The following CACNB4 variants were observed in gnomAD, a reference collection of about 807,000 sequenced individuals.
CACNB4 encodes calcium voltage-gated channel auxiliary subunit beta 4, also known as voltage-dependent L-type calcium channel subunit beta-4.
CACNB4 carries 32 observed loss-of-function variants against 71.2 expected under a neutral mutation model. That is an observed-to-expected ratio of 0.45 (90% CI 0.34 to 0.60). The LOEUF (loss-of-function observed/expected upper bound fraction) is 0.60, where lower values mean the gene tolerates loss of function less well. CACNB4 is among the 20% of genes least tolerant of loss of function. CACNB4 has a pLI of 0.01. For synonymous variants in CACNB4, 231 were observed against 236.9 expected, an observed-to-expected ratio of 0.97 and a Z score of 0.23; for missense variants, 464 against 647.9, an observed-to-expected ratio of 0.72 and a Z score of 3.08.
At chr2:152,074,356 A>G (rs191741101) in intron 2 of CACNB4, among the ~76,000 whole-genome samples, 7 of 151,590 alleles carry the variant, frequency 4.6e-5, no homozygotes, top group African/African-American at 1.2e-4. Context: ...TGGCATAATC[A>G]CTACTACCAT....
At chr2:152,018,380 C>G (rs1379924993) in intron 2 of CACNB4, among the ~76,000 whole-genome samples, 1 of 151,706 alleles carries the variant, frequency 6.6e-6, no homozygotes, top group African/African-American at 2.4e-5. Flanking sequence ...CTCTACACAC[C>G]TGAAAAAAAG....
chr2:151,941,752 T>C (rs1364942844), intron 2 of CACNB4, among the ~76,000 whole-genome samples: 1 of 152,196 alleles, frequency 6.6e-6, no homozygotes, highest in Admixed American at 6.5e-5. Flanking sequence ...TACCAAGTAA[T>C]GTACAAACAA....
intron 2 of CACNB4, among the ~76,000 whole-genome samples, chr2:151,926,934 T>G (rs902810369): frequency 1.6e-4 from 24 of 152,244 alleles, no homozygotes; most frequent in African/African-American, 5.8e-4. Flanking sequence ...CCTCAGTTTC[T>G]TCATTTGTAA....
chr2:151,912,858 T>C (rs868333639), intron 2 of CACNB4, among the ~76,000 whole-genome samples: 19 of 152,006 alleles, frequency 1.2e-4, no homozygotes, highest in Middle Eastern at 3.4e-3. Context: ...GCTCCTGTAC[T>C]GGGTGCATAT....
At chr2:151,951,877 T>A (rs1416658206) in intron 2 of CACNB4, among the ~76,000 whole-genome samples, 2 of 152,116 alleles carry the variant, frequency 1.3e-5, no homozygotes, top group Non-Finnish European at 2.9e-5. Context: ...TGCAAAAAAA[T>A]TCCTTAGGCA....
At chr2:151,964,087 A>AT (rs1560080052) in intron 2 of CACNB4, among the ~76,000 whole-genome samples, 6 of 151,100 alleles carry the variant, frequency 4.0e-5, no homozygotes, top group Non-Finnish European at 7.4e-5. Context: ...AAAAAAAAAA[A>AT]AAAGAATGTT....
At chr2:151,942,620 A>G (rs1431809741) in intron 2 of CACNB4, among the ~76,000 whole-genome samples, 1 of 137,904 alleles carries the variant, frequency 7.3e-6, no homozygotes, top group Non-Finnish European at 1.5e-5. Context: ...TGGACGTGCA[A>G]TTATGGAAGA....
chr2:151,954,721 T>G (rs1051637799), intron 2 of CACNB4, among the ~76,000 whole-genome samples: 1 of 152,170 alleles, frequency 6.6e-6, no homozygotes, highest in Non-Finnish European at 1.5e-5. Flanking sequence ...GAAAGAATCC[T>G]ATTTTCAAGA....
intron 2 of CACNB4, among the ~76,000 whole-genome samples, chr2:151,900,200 T>G (rs2099853033): frequency 6.6e-6 from 1 of 152,186 alleles, no homozygotes; most frequent in Non-Finnish European, 1.5e-5. Context: ...AAGGCATGCT[T>G]CTTGCCTTTA....
intron 2 of CACNB4, among the ~76,000 whole-genome samples, chr2:152,032,964 AAT>A (rs1226145224): frequency 6.6e-6 from 1 of 152,198 alleles, no homozygotes; most frequent in Non-Finnish European, 1.5e-5. Context: ...TTAAAAAAAA[AAT>A]AAATAAATAA....
intron 2 of CACNB4, among the ~76,000 whole-genome samples, chr2:152,039,814 T>G (rs1560153862): frequency 1.3e-5 from 2 of 152,322 alleles, no homozygotes; most frequent in Middle Eastern, 3.4e-3. Context: ...GTCGAAGGCA[T>G]GAAGTAAGCA....
intron 12 of CACNB4, among the ~76,000 whole-genome samples, chr2:151,847,847 C>T (rs1263566627): frequency 1.3e-5 from 2 of 152,190 alleles, no homozygotes; most frequent in African/African-American, 4.8e-5. Flanking sequence ...GATCGCGCCA[C>T]TGCACTCCAA....
At chr2:151,863,255 G>A (rs1226920708) in intron 9 of CACNB4, among the ~76,000 whole-genome samples, 1 of 152,034 alleles carries the variant, frequency 6.6e-6, no homozygotes. Flanking sequence ...TACTACAGAT[G>A]AGGTTTCACC....
chr2:152,034,698 TG>T (rs1445812719), intron 2 of CACNB4, among the ~76,000 whole-genome samples: 19 of 152,186 alleles, frequency 1.2e-4, no homozygotes, highest in Admixed American at 1.2e-3. Context: ...CACCAGGGGA[TG>T]GCATCCGATA....
chr2:151,894,532 T>C (rs2099851532), intron 2 of CACNB4, among the ~76,000 whole-genome samples: 1 of 152,174 alleles, frequency 6.6e-6, no homozygotes, highest in African/African-American at 2.4e-5. Flanking sequence ...GCTACTGTTA[T>C]TCAACATATA....
chr2:151,981,917 T>G (rs1220312716), intron 2 of CACNB4, among the ~76,000 whole-genome samples: 2 of 151,984 alleles, frequency 1.3e-5, no homozygotes, highest in African/African-American at 2.4e-5. Context: ...GAGCTTAGAG[T>G]AGCGACACTC....
At chr2:152,016,025 C>T (rs1460584227) in intron 2 of CACNB4, among the ~76,000 whole-genome samples, 3 of 152,210 alleles carry the variant, frequency 2.0e-5, no homozygotes, top group Non-Finnish European at 2.9e-5. Flanking sequence ...AATAGGCTGA[C>T]TTGCTAACCT....
intron 2 of CACNB4, among the ~76,000 whole-genome samples, chr2:151,955,917 GAA>G (rs11286288): frequency 0.031 from 4,374 of 139,302 alleles, 63 homozygotes; most frequent in African/African-American, 0.046. Context: ...ATAAAAAATA[GAA>G]AAAAAAAAAA....
At chr2:151,903,475 C>T (rs986037059) in intron 2 of CACNB4, among the ~76,000 whole-genome samples, 4 of 152,016 alleles carry the variant, frequency 2.6e-5, no homozygotes, top group Non-Finnish European at 2.9e-5. Context: ...GCCAAGACTG[C>T]GCCACAGCAC....
Sources: gnomAD v4.1 joint callset for allele counts (sites outside exome capture counted in the v4.1 genomes callset) on GRCh38, gnomAD v4.1.1 for gene constraint, MANE v1.5 for transcripts, NCBI Gene and HGNC (gene_info 2026-07-23, HGNC 2026-07-21) for gene names.